Variants in BAZ1B observed in about 807,000 individuals in gnomAD.
The protein encoded by BAZ1B is tyrosine-protein kinase BAZ1B.
Under a neutral mutation model 153.8 loss-of-function variants are expected in BAZ1B, and 22 were observed. The observed-to-expected ratio is 0.14, with a 90% CI of 0.10 to 0.20. BAZ1B has a LOEUF of 0.20. Ranked by LOEUF, BAZ1B falls within the 10% of genes least tolerant of loss-of-function variation. The pLI, the probability that BAZ1B is intolerant of heterozygous loss-of-function variation, is 1.00. For synonymous variants in BAZ1B, 676 were observed against 633.4 expected (o/e 1.07, Z -1.01); for missense variants, 1,325 against 1,799.3 (o/e 0.74, Z 4.77).
chr7:73,463,093 C>T lies in BAZ1B; in HGVS notation c.3078G>A (p.Gln1026=), dbSNP rs1788453102. The T allele has an allele frequency of 1.9e-6, 3 of 1,605,838 alleles. No homozygotes were observed. Among genetic ancestry groups the T allele is most frequent in the Non-Finnish European group, 2.5e-6 (3 of 1,177,122 alleles). Residue 1026 remains glutamine, a synonymous_variant, in exon 12 of 20, where the codon CAG becomes CAA. Transcript: ENST00000339594. ...CTAGATGAATAGAGTGAATAATGTC[C>T]TGGTACCTAGAAGATTTGGGACAAG... ...QLKERLEKRY[Q]DIIHSIHLAR... is the part of the protein sequence containing the mutation.
intron 8 of BAZ1B, 82 bp downstream of exon 8, chr7:73,470,263 T>C (rs1054415815): frequency 7.1e-7 from 1 of 1,401,608 alleles, no homozygotes; most frequent in African/African-American, 1.4e-5. Flanking sequence ...AGCTTGTCTA[T>C]TCTTGTACTT....
chr7:73,444,600 C>T (rs1554565933), intron 16 of BAZ1B, among the ~76,000 whole-genome samples: 1 of 152,206 alleles, frequency 6.6e-6, no homozygotes, highest in Non-Finnish European at 1.5e-5. Context: ...TCTACACTTA[C>T]CATCAGAATC....
At chr7:73,463,648 AG>A (rs368689889) in intron 11 of BAZ1B, among the ~76,000 whole-genome samples, 9 of 152,234 alleles carry the variant, frequency 5.9e-5, no homozygotes, top group African/African-American at 1.9e-4. Flanking sequence ...CCCAAAGAGA[AG>A]GAACATCATA....
intron 1 of BAZ1B, among the ~76,000 whole-genome samples, chr7:73,514,215 C>T (rs1790699923): frequency 6.6e-6 from 1 of 151,736 alleles, no homozygotes; most frequent in Non-Finnish European, 1.5e-5. Context: ...AAAGCAGGGG[C>T]CAGAAAAAAA....
At chr7:73,485,627 A>G (rs201929815) in intron 6 of BAZ1B, among the ~76,000 whole-genome samples, 17,430 of 127,976 alleles carry the variant, frequency 0.14, 1,057 homozygotes, top group African/African-American at 0.18. Context: ...CTACCTCAGA[A>G]AAAAAAAAAA....
intron 9 of BAZ1B, among the ~76,000 whole-genome samples, chr7:73,467,026 G>A (rs1302076476): frequency 6.6e-6 from 1 of 152,158 alleles, no homozygotes; most frequent in Admixed American, 6.6e-5. Context: ...CTGCCTCCCA[G>A]GTTCATGCAA....
chr7:73,459,601 G>T lies in BAZ1B; in HGVS notation c.3367C>A (p.Gln1123Lys). The T allele has an allele frequency of 6.2e-7, 1 of 1,613,914 alleles. No individual in the cohort carries two copies. The highest frequency in any genetic ancestry group is 1.1e-5 in the South Asian group (1 of 91,086). ...MAPKQKRRKL[Q>K]SEDSAKTEEV... The stretch of plus-strand genomic sequence containing the variant: ...TCAGTTTTTGCTGAATCTTCACTTT[G>T]GAGTTTTCTTCTCTTTTGCTTGGGA... Residue 1123 changes from glutamine (Q) to lysine (K), a missense_variant, in exon 13 of 20, where the codon CAA (glutamine) becomes AAA (lysine). This residue lies in a region of BAZ1B where 431 missense variants were observed against 563.5 expected (regional missense o/e 0.76). Transcript: ENST00000339594.
chr7:73,457,303 T>C (rs1325185533), intron 13 of BAZ1B, among the ~76,000 whole-genome samples: 1 of 151,976 alleles, frequency 6.6e-6, no homozygotes, highest in African/African-American at 2.4e-5. Context: ...TCAGCCTCCC[T>C]AGTAGCTGAG....
At chr7:73,452,421 G>A (rs971162316) in intron 13 of BAZ1B, among the ~76,000 whole-genome samples, 32 of 152,084 alleles carry the variant, frequency 2.1e-4, no homozygotes, top group Admixed American at 1.0e-3. Context: ...CTTCACAATG[G>A]TGCAAAAGTG....
At chr7:73,467,385 T>C (rs1788634004) in intron 9 of BAZ1B, among the ~76,000 whole-genome samples, 1 of 152,176 alleles carries the variant, frequency 6.6e-6, no homozygotes, top group Admixed American at 6.5e-5. Context: ...TTTTTAATTT[T>C]TTGAGACAGA....
chr7:73,457,455 G>A (rs537020134), intron 13 of BAZ1B, among the ~76,000 whole-genome samples: 1 of 152,310 alleles, frequency 6.6e-6, no homozygotes, highest in African/African-American at 2.4e-5. Flanking sequence ...TGAAATTACA[G>A]GCGTGAGCCA....
chr7:73,469,802 T>C (rs184302422), intron 8 of BAZ1B, 152 bp from the exon 9 acceptor site: 44 of 835,638 alleles, frequency 5.3e-5, no homozygotes, highest in East Asian at 2.4e-4. Context: ...CAGATAAAAA[T>C]TGCAAGGTAA....
chr7:73,512,973 G>A (rs1302788159), intron 1 of BAZ1B, among the ~76,000 whole-genome samples: 1 of 151,990 alleles, frequency 6.6e-6, no homozygotes, highest in African/African-American at 2.4e-5. Context: ...ATTTATTTTT[G>A]ACACAGGGTC....
chr7:73,485,007 T>C (rs1246414331), intron 6 of BAZ1B, among the ~76,000 whole-genome samples: 1 of 152,174 alleles, frequency 6.6e-6, no homozygotes, highest in African/African-American at 2.4e-5. Context: ...AAAATGTGAG[T>C]AAAAACTATA....
chr7:73,453,516 AG>A (rs782304045), intron 13 of BAZ1B, among the ~76,000 whole-genome samples: 42 of 152,272 alleles, frequency 2.8e-4, no homozygotes, highest in Admixed American at 7.2e-4. Flanking sequence ...ACTCTTGGAC[AG>A]ATCACATCAA....
intron 13 of BAZ1B, among the ~76,000 whole-genome samples, chr7:73,457,413 G>C (rs529179973): frequency 4.0e-4 from 61 of 151,968 alleles, no homozygotes; most frequent in Middle Eastern, 3.4e-3. Context: ...CCTGACCTCA[G>C]GTGATCTGCC....
At chr7:73,478,630 T>C in intron 6 of BAZ1B, 61 bp from the exon 7 acceptor site, 1 of 1,362,132 alleles carries the variant, frequency 7.3e-7, no homozygotes, top group Non-Finnish European at 9.8e-7. Context: ...TAAGCAACAT[T>C]TAAGCATCTT....
intron 1 of BAZ1B, among the ~76,000 whole-genome samples, chr7:73,515,295 C>T (rs1253419435): frequency 1.3e-5 from 2 of 152,158 alleles, no homozygotes; most frequent in African/African-American, 2.4e-5. Context: ...TACATCTCCA[C>T]CCACTGCCAT....
rs1554567918 is a variant in BAZ1B at position 73,450,279 on chromosome 7, A to G, written c.3580+568T>C. Among the ~76,000 whole-genome samples the G allele has an allele frequency of 6.6e-6, 1 of 152,222 alleles. No individual in the cohort carries two copies. Among genetic ancestry groups the G allele is most frequent in the Non-Finnish European group, 1.5e-5 (1 of 68,038 alleles). ...AAAAGTGTTGTGCTGAGTCAACTTA[A>G]TATGGTAATCTCTCCTTCCAACCTT... On this transcript the variant is annotated intron_variant, in intron 14 of 19. Coordinates refer to ENST00000339594, the MANE Select transcript of BAZ1B (RefSeq NM_032408.4). The surrounding 1 kb of genome is among the most constrained non-coding windows in gnomAD (Gnocchi z 4.1).
Sources: allele counts gnomAD v4.1 joint callset (sites outside exome capture counted in the v4.1 genomes callset), GRCh38; gene constraint gnomAD v4.1.1; regional missense constraint gnomAD v4.1.1; non-coding constraint Gnocchi (gnomAD v3.1); transcripts MANE v1.5; gene names NCBI Gene and HGNC (gene_info 2026-07-23, HGNC 2026-07-21).